VPS8: variants seen among roughly 807,000 people sequenced by gnomAD.
VPS8 encodes VPS8 subunit of CORVET complex, also known as vacuolar protein sorting-associated protein 8 homolog.
Under a neutral mutation model 216.4 loss-of-function variants are expected in VPS8, and 129 were observed. The observed-to-expected ratio is 0.60, with a 90% CI of 0.52 to 0.69. The LOEUF is 0.69. Among genes scored for constraint, VPS8 ranks in the 30% least tolerant of loss-of-function variants. VPS8 has a pLI of 0.00. For missense variants in VPS8, 1,531 were observed against 1,683.5 expected, an observed-to-expected ratio of 0.91 and a Z score of 1.59; for synonymous variants, 571 against 565.4, an observed-to-expected ratio of 1.01 and a Z score of -0.14.
At chr3:185,017,996 T>C (rs1369128757) in intron 45 of VPS8, among the ~76,000 whole-genome samples, 4 of 152,136 alleles carry the variant, frequency 2.6e-5, no homozygotes, top group Admixed American at 6.5e-5. Flanking sequence ...TGATTTTTTC[T>C]ACATTCTTTT....
chr3:184,854,275 T>C, intron 13 of VPS8, 102 bp downstream of exon 13: 3 of 1,314,440 alleles, frequency 2.3e-6, no homozygotes, highest in Admixed American at 1.9e-5. Flanking sequence ...GTCAGAAAAC[T>C]AGACAGGATG....
In VPS8 at chr3:185,040,928, C is replaced by T. The variant is rs536630428; in HGVS notation, c.4057-7551C>T. On this transcript the variant is annotated intron_variant, in intron 46 of 47. Transcript: ENST00000625842. ...TATAAAAAAGCCAAGGTTGGCCAGG[C>T]GCGGTGGCTCATGCCTGTAATCCCA... Among the ~76,000 whole-genome samples, 12 of 152,180 alleles carry T rather than the reference C, an allele frequency of 7.9e-5. No individual in the cohort carries two copies. The East Asian group carries it at 1.2e-3, about 15-fold the overall frequency.
intron 1 of VPS8, chr3:184,812,427 G>T (rs770438188): frequency 9.2e-5 from 14 of 152,204 alleles, no homozygotes; most frequent in Non-Finnish European, 2.1e-4. Flanking sequence ...GTTGATTCTC[G>T]AGTGGAGGGG....
chr3:184,837,730 G>A (rs1040235919), intron 5 of VPS8, among the ~76,000 whole-genome samples: 24 of 152,262 alleles, frequency 1.6e-4, no homozygotes, highest in Middle Eastern at 3.4e-3. Flanking sequence ...AATTGACCAC[G>A]CTGACAAGGA....
At chr3:184,946,501 G>A (rs902719716) in intron 36 of VPS8, among the ~76,000 whole-genome samples, 2 of 152,164 alleles carry the variant, frequency 1.3e-5, no homozygotes, top group Admixed American at 6.5e-5. Context: ...TTCCTTTTCC[G>A]TTTTTGAACA....
At chr3:184,813,753 G>A (rs1489946310) in intron 1 of VPS8, 1 of 152,188 alleles carries the variant, frequency 6.6e-6, no homozygotes, top group East Asian at 1.9e-4. Context: ...AGAATATTGG[G>A]ACATGTTGGT....
At chr3:185,019,211 C>T (rs1018198902) in intron 45 of VPS8, among the ~76,000 whole-genome samples, 1 of 152,156 alleles carries the variant, frequency 6.6e-6, no homozygotes, top group Non-Finnish European at 1.5e-5. Context: ...TCAGTGTCCT[C>T]CAGCTTAGTT....
intron 23 of VPS8, among the ~76,000 whole-genome samples, chr3:184,896,856 T>C (rs1733582134): frequency 2.0e-5 from 3 of 152,206 alleles, no homozygotes; most frequent in African/African-American, 7.2e-5. Context: ...AATGTGAGGC[T>C]ACCTTAGATT....
At chr3:185,021,766 G>C (rs1015319063) in intron 45 of VPS8, among the ~76,000 whole-genome samples, 1 of 152,194 alleles carries the variant, frequency 6.6e-6, no homozygotes, top group Non-Finnish European at 1.5e-5. Context: ...AACAAAACCT[G>C]CAACGTGGTC....
intron 43 of VPS8, among the ~76,000 whole-genome samples, chr3:184,994,882 C>T (rs1393432257): frequency 6.6e-6 from 1 of 152,222 alleles, no homozygotes; most frequent in Non-Finnish European, 1.5e-5. Flanking sequence ...GGAGCCCTCA[C>T]AATCATGGCG....
chr3:184,890,022 A>AT (rs1732050315), intron 22 of VPS8, among the ~76,000 whole-genome samples: 1 of 152,094 alleles, frequency 6.6e-6, no homozygotes, highest in African/African-American at 2.4e-5. Context: ...AGTTTTAAAA[A>AT]TTTTTTTCTT....
At chr3:185,050,763 G>A (rs1714045667) in intron 47 of VPS8, among the ~76,000 whole-genome samples, 2 of 152,146 alleles carry the variant, frequency 1.3e-5, no homozygotes, top group Admixed American at 1.3e-4. Context: ...ACACAGACAG[G>A]GCTGCCCTGA....
intron 18 of VPS8, 56 bp from the exon 19 acceptor site, chr3:184,868,889 TC>T: frequency 6.7e-7 from 1 of 1,495,822 alleles, no homozygotes; most frequent in Non-Finnish European, 9.1e-7. Context: ...GAATAGGAAT[TC>T]TGACTGGTGA....
intron 33 of VPS8, among the ~76,000 whole-genome samples, chr3:184,929,895 C>T (rs1012197014): frequency 1.3e-5 from 2 of 152,052 alleles, no homozygotes; most frequent in Admixed American, 6.6e-5. Context: ...GAAGAGAAAC[C>T]GAGTGCTACT....
chr3:184,964,587 A>C, intron 38 of VPS8, 30 bp downstream of exon 38: 1 of 1,331,644 alleles, frequency 7.5e-7, no homozygotes, highest in East Asian at 2.7e-5. Flanking sequence ...CTTTCATCAT[A>C]TTTCTGTCTA....
chr3:184,941,823 C>T (rs908782101), intron 36 of VPS8, among the ~76,000 whole-genome samples: 2 of 151,792 alleles, frequency 1.3e-5, no homozygotes, highest in African/African-American at 4.8e-5. Context: ...CAAGCAAGAA[C>T]AACAGGGGAA....
chr3:184,945,454 A>G (rs945355511), intron 36 of VPS8, among the ~76,000 whole-genome samples: 6 of 152,152 alleles, frequency 3.9e-5, no homozygotes, highest in Non-Finnish European at 5.9e-5. Flanking sequence ...GTAATTATGT[A>G]TAAGTATCTT....
chr3:184,842,740 C>T (rs1722418881), intron 7 of VPS8, among the ~76,000 whole-genome samples: 1 of 152,102 alleles, frequency 6.6e-6, no homozygotes. Flanking sequence ...CTCTTTGAAA[C>T]AGAGGCCCAG....
At chr3:184,968,818 C>T (rs1429581686) in intron 39 of VPS8, among the ~76,000 whole-genome samples, 1 of 152,178 alleles carries the variant, frequency 6.6e-6, no homozygotes, top group African/African-American at 2.4e-5. Flanking sequence ...ACACACGTTT[C>T]TTAGAGACTC....
Sources: allele counts gnomAD v4.1 joint callset (sites outside exome capture counted in the v4.1 genomes callset), GRCh38; gene constraint gnomAD v4.1.1; transcripts MANE v1.5; gene names NCBI Gene and HGNC (gene_info 2026-07-23, HGNC 2026-07-21).